Variants in AGBL1 observed in about 807,000 individuals in gnomAD.
AGBL1 encodes cytosolic carboxypeptidase 4.
In AGBL1, 130 loss-of-function variants were observed where a neutral mutation model predicts 118.9. That is an observed-to-expected ratio of 1.09 (90% confidence interval 0.95 to 1.26). The LOEUF (loss-of-function observed/expected upper bound fraction) is 1.26. Among genes scored for constraint, AGBL1 ranks in the 50% most tolerant of loss-of-function variants. The pLI, the probability that AGBL1 is intolerant of heterozygous loss-of-function variation, is 0.00. For synonymous variants in AGBL1, 555 were observed against 478.9 expected (o/e 1.16, Z -2.08); for missense variants, 1,584 against 1,298.1 (o/e 1.22, Z -3.38).
At chr15:86,862,675 G>A (rs578211282) in intron 22 of AGBL1, among the ~76,000 whole-genome samples, 9 of 152,280 alleles carry the variant, frequency 5.9e-5, no homozygotes, top group South Asian at 2.1e-4. Context: ...AGCTGAGATC[G>A]CGCCATTGCA....
At chr15:86,958,765 T>C (rs1449414616) in intron 23 of AGBL1, among the ~76,000 whole-genome samples, 1 of 152,176 alleles carries the variant, frequency 6.6e-6, no homozygotes, top group African/African-American at 2.4e-5. Flanking sequence ...CAGATTGTAA[T>C]AGCAAAAGCA....
In AGBL1 at chr15:86,641,780, C is replaced by T. The variant is rs117773332; in HGVS notation, c.2995-32493C>T. On this transcript the variant is annotated intron_variant, in intron 21 of 22. Transcript: ENST00000614907. ...TTTCAAAAAAAGACCTAAAAAAACC[C>T]CACAGCTTTTATCAGTCAACTATTT... Among the ~76,000 whole-genome samples the T allele has an allele frequency of 4.1e-4, 63 of 152,144 alleles. No individual in the cohort carries two copies. The East Asian group carries it at 0.011, about 27-fold the overall frequency.
chr15:87,027,848 C>T (rs1485530846), intron 24 of AGBL1, among the ~76,000 whole-genome samples: 2 of 151,868 alleles, frequency 1.3e-5, no homozygotes, highest in Non-Finnish European at 2.9e-5. Context: ...CACATGGACA[C>T]ATCAAGGGGA....
chr15:86,295,146 T>C, intron 16 of AGBL1, 109 bp from the exon 17 acceptor site: 1 of 1,329,642 alleles, frequency 7.5e-7, no homozygotes, highest in Non-Finnish European at 1.0e-6. Flanking sequence ...AAAGGACAGA[T>C]TAGATTAACA....
intron 9 of AGBL1, among the ~76,000 whole-genome samples, chr15:86,261,760 C>G (rs2078989470): frequency 2.0e-5 from 3 of 151,986 alleles, no homozygotes; most frequent in African/African-American, 7.2e-5. Flanking sequence ...GAGTCACCAT[C>G]ATCATTAAAA....
At chr15:86,647,904 G>A (rs2085311242) in intron 21 of AGBL1, among the ~76,000 whole-genome samples, 1 of 152,136 alleles carries the variant, frequency 6.6e-6, no homozygotes, top group African/African-American at 2.4e-5. Flanking sequence ...AGCCATGCAG[G>A]TATCTGGTGG....
At chr15:86,747,470 G>A (rs945757488) in intron 22 of AGBL1, among the ~76,000 whole-genome samples, 3 of 151,996 alleles carry the variant, frequency 2.0e-5, no homozygotes, top group Non-Finnish European at 4.4e-5. Context: ...CTTGCCAAAG[G>A]CAATAATTCT....
At chr15:86,196,166 G>C (rs1029134811) in intron 5 of AGBL1, among the ~76,000 whole-genome samples, 1 of 152,026 alleles carries the variant, frequency 6.6e-6, no homozygotes, top group Non-Finnish European at 1.5e-5. Flanking sequence ...GACTTTGGCC[G>C]CATGTAGCAT....
chr15:86,584,948 T>C (rs1331531488), intron 21 of AGBL1, among the ~76,000 whole-genome samples: 2 of 152,152 alleles, frequency 1.3e-5, no homozygotes, highest in African/African-American at 4.8e-5. Flanking sequence ...GTGTGACTAT[T>C]GTAAATGGGA....
chr15:87,018,484 AC>A (rs2081629814), intron 24 of AGBL1, among the ~76,000 whole-genome samples: 1 of 152,070 alleles, frequency 6.6e-6, no homozygotes, highest in South Asian at 2.1e-4. Flanking sequence ...AAAATTTCCA[AC>A]CCAGAAATTT....
chr15:86,094,131 G>T (rs1283751938), intron 1 of AGBL1, among the ~76,000 whole-genome samples: 1 of 152,088 alleles, frequency 6.6e-6, no homozygotes, highest in South Asian at 2.1e-4. Context: ...TATATTTGCA[G>T]TCGTTACTTC....
chr15:86,257,081 G>A (rs1196736582), intron 8 of AGBL1, 63 bp downstream of exon 8: 5 of 1,499,746 alleles, frequency 3.3e-6, no homozygotes, highest in Non-Finnish European at 4.5e-6. Flanking sequence ...ATGTTTCCCA[G>A]GAACATGGGT....
downstream of AGBL1, among the ~76,000 whole-genome samples, chr15:87,029,488 T>A (rs1380110655): frequency 8.7e-6 from 1 of 115,212 alleles, no homozygotes; most frequent in African/African-American, 5.1e-5. Context: ...AGCACTCTAT[T>A]TATAATAATA....
rs978518209 is a variant in AGBL1 at position 86,911,512 on chromosome 15, G to C, written c.*4218G>C. The C allele has an allele frequency of 6.6e-5, 10 of 152,120 alleles. No individual in the cohort carries two copies. Among genetic ancestry groups the C allele is most frequent in the Non-Finnish European group, 1.3e-4 (9 of 68,070 alleles). The allele number at this position is 152,120 out of a possible 1,614,324, so 9.4% of individuals were successfully genotyped here. A position where few individuals can be genotyped will look rare whatever the true frequency, so the allele number is the denominator to read the frequency against. On this transcript the variant is annotated 3_prime_UTR_variant, in exon 23 of 23. Transcript: ENST00000614907. Reference sequence around the variant, plus strand: ...TTTATAGCCTGGCCCCAATCTCCTTGACAGCCTCAGGTTCTGACATTCTTT... The same window carrying C: ...TTTATAGCCTGGCCCCAATCTCCTTCACAGCCTCAGGTTCTGACATTCTTT...
chr15:86,579,473 G>A (rs1245895549), intron 21 of AGBL1, among the ~76,000 whole-genome samples: 1 of 152,184 alleles, frequency 6.6e-6, no homozygotes, highest in Non-Finnish European at 1.5e-5. Context: ...TGAGGAAGCT[G>A]ATATTTCTAC....
chr15:86,432,701 T>G (rs16977096), intron 18 of AGBL1, among the ~76,000 whole-genome samples: 6,639 of 152,294 alleles, frequency 0.044, 232 homozygotes, highest in East Asian at 0.15. Flanking sequence ...ATAGCAGAGA[T>G]AAAGGAGCTT....
intron 20 of AGBL1, among the ~76,000 whole-genome samples, chr15:86,552,403 G>T: frequency 6.6e-6 from 1 of 152,204 alleles, no homozygotes; most frequent in East Asian, 1.9e-4. Context: ...CTTAAACAAT[G>T]TAAGAGTAAA....
At chr15:86,392,114 T>C in intron 17 of AGBL1, among the ~76,000 whole-genome samples, 1 of 152,210 alleles carries the variant, frequency 6.6e-6, no homozygotes, top group South Asian at 2.1e-4. Flanking sequence ...AGATTACCTC[T>C]ACTTGCAGCT....
chr15:86,514,472 A>G (rs1281878939), intron 18 of AGBL1, among the ~76,000 whole-genome samples: 2 of 152,048 alleles, frequency 1.3e-5, no homozygotes, highest in Non-Finnish European at 2.9e-5. Flanking sequence ...TACTCAGTTC[A>G]GTTCTTTTCT....
Sources: gnomAD v4.1 joint callset for allele counts (sites outside exome capture counted in the v4.1 genomes callset) on GRCh38, gnomAD v4.1.1 for gene constraint, MANE v1.5 for transcripts, NCBI Gene and HGNC (gene_info 2026-07-23, HGNC 2026-07-21) for gene names.